P4HB: variants seen among roughly 807,000 people sequenced by gnomAD.
The protein encoded by P4HB is protein disulfide-isomerase.
Under a neutral mutation model 52.6 loss-of-function variants are expected in P4HB, and 20 were observed. That is an observed-to-expected ratio of 0.38 (90% confidence interval 0.27 to 0.55). The LOEUF (loss-of-function observed/expected upper bound fraction) is 0.55. Among genes scored for constraint, P4HB ranks in the 20% least tolerant of loss-of-function variants. P4HB has a pLI of 0.74. For missense variants in P4HB, 601 were observed against 669.2 expected (o/e 0.90, Z 1.12); for synonymous variants, 296 against 277.9 (o/e 1.07, Z -0.65).
chr17:81,851,724 C>A (rs2083530048), intron 4 of P4HB, among the ~76,000 whole-genome samples: 1 of 152,228 alleles, frequency 6.6e-6, no homozygotes, highest in Non-Finnish European at 1.5e-5. Context: ...GCCAAGAAGC[C>A]AGGAGGAGAC....
chr17:81,856,471 AG>A (rs1341650851), intron 2 of P4HB, among the ~76,000 whole-genome samples: 1 of 148,114 alleles, frequency 6.8e-6, no homozygotes, highest in Non-Finnish European at 1.5e-5. Context: ...CCGCGTAGCT[AG>A]GATTATAGGT....
At chr17:81,859,715 T>C (rs1415803534) in intron 1 of P4HB, 1 of 373,148 alleles carries the variant, frequency 2.7e-6, no homozygotes, top group Non-Finnish European at 5.0e-6. Context: ...CCCCTAGACT[T>C]TCCCTTTAAG....
In P4HB at chr17:81,848,108, G is replaced by A. The variant is rs181101614; in HGVS notation, c.625-761C>T. Among the ~76,000 whole-genome samples the A allele has an allele frequency of 1.1e-3, 160 of 152,248 alleles. 1 individual carries two copies. The highest frequency in any genetic ancestry group is 2.0e-3 in the Non-Finnish European group (138 of 68,012). ...AGTAGAGATGGGTTTCACCACGTTA[G>A]CCAGGATGGTCTCAATCTCCTTACC... On this transcript the variant is annotated intron_variant, in intron 4 of 10. Transcript: ENST00000331483.
intron 4 of P4HB, among the ~76,000 whole-genome samples, chr17:81,848,923 G>A (rs1429428186): frequency 6.6e-6 from 1 of 151,140 alleles, no homozygotes; most frequent in Admixed American, 6.6e-5. Context: ...GTGCACACCT[G>A]TAATCCCAGC....
rs965314244 is a variant in P4HB, at chr17:81,859,524, C to T, written c.146-137G>A. 17 of 731,088 alleles carry T rather than the reference C, an allele frequency of 2.3e-5. No individual in the cohort carries two copies. In the African/African-American group the frequency reaches 3.0e-4, roughly 13 times the overall value. The allele number at this position is 731,088 out of a possible 1,614,324, so 45.3% of individuals were successfully genotyped here. A position where few individuals can be genotyped will look rare whatever the true frequency, so the allele number is the denominator to read the frequency against. Reference sequence around the variant, plus strand: ...TACTCACCAAGATAACCCCTCCTAACGCACAAGGCTGAGCTGATAGCCTGG... The same window carrying T: ...TACTCACCAAGATAACCCCTCCTAATGCACAAGGCTGAGCTGATAGCCTGG... On this transcript the variant is annotated intron_variant, in intron 1 of 10. Transcript: ENST00000331483.
Position 81,855,334 on chromosome 17 carries a change from G to C in P4HB, c.487-55C>G, listed in dbSNP as rs749463599. On this transcript the variant is annotated intron_variant, in intron 3 of 10. Coordinates refer to ENST00000331483, the MANE Select transcript of P4HB (RefSeq NM_000918.4). The surrounding 1 kb of genome is among the most constrained non-coding windows in gnomAD (Gnocchi z 4.3). ...CATGATCCCGCAGCACCAAGCAGTA[G>C]GGCAGACCCTGTAGAGCCCAGGCCA... The C allele has an allele frequency of 1.9e-6, 3 of 1,611,414 alleles. No individual in the cohort carries two copies. The highest frequency in any genetic ancestry group is 2.5e-6 in the Non-Finnish European group (3 of 1,178,380).
At chr17:81,849,776 G>A (rs572492255) in intron 4 of P4HB, among the ~76,000 whole-genome samples, 1 of 152,162 alleles carries the variant, frequency 6.6e-6, no homozygotes, top group South Asian at 2.1e-4. Context: ...AATTTTGGGT[G>A]AGCCTTCCAT....
chr17:81,850,971 G>A (rs1006239244), intron 4 of P4HB, among the ~76,000 whole-genome samples: 9 of 149,602 alleles, frequency 6.0e-5, no homozygotes, highest in East Asian at 4.0e-4. Context: ...TTGCTCTGTC[G>A]CCTACGCTGG....
intron 2 of P4HB, among the ~76,000 whole-genome samples, chr17:81,856,780 G>A (rs369365969): frequency 1.3e-5 from 2 of 151,222 alleles, no homozygotes; most frequent in Admixed American, 1.3e-4. Flanking sequence ...CTCCCAAATA[G>A]CTGGTATTAC....
rs1405598041 is a variant in P4HB, at chr17:81,846,148, AGGCTGGGCCAGTG to A, written c.1057-170_1057-158del. 2.0e-5 allele frequency among the ~76,000 whole-genome samples: 3 copies of A among 152,206 alleles called. No homozygotes were observed. The highest frequency in any genetic ancestry group is 4.4e-5 in the Non-Finnish European group (3 of 68,020). Reference sequence around the variant, plus strand: ...ACAGTGCCAAGAATCCAGAAAGAGAAGGCTGGGCCAGTGGGCTGGGCCCAATGAGCCCACGCAG... The same window carrying A: ...ACAGTGCCAAGAATCCAGAAAGAGAAGGCTGGGCCCAATGAGCCCACGCAG... On this transcript the variant is annotated intron_variant, in intron 7 of 10. Coordinates refer to ENST00000331483, the MANE Select transcript of P4HB (RefSeq NM_000918.4). The surrounding 1 kb of genome is among the most constrained non-coding windows in gnomAD (Gnocchi z 5.7).
rs994049769 is a variant in P4HB at position 81,860,494 on chromosome 17, C to A, written c.-23G>T. 3 of 1,251,512 alleles carry A rather than the reference C, an allele frequency of 2.4e-6. No homozygotes were observed. The highest frequency in any genetic ancestry group is 3.2e-5 in the East Asian group (1 of 31,422). 77.5% of individuals were successfully genotyped at this position (1,251,512 alleles called of 1,614,324 possible). A position where few individuals can be genotyped will look rare whatever the true frequency, so the allele number is the denominator to read the frequency against. On this transcript the variant is annotated 5_prime_UTR_variant, in exon 1 of 11. Transcript: ENST00000331483. ...CATGTCGGACACGGATCAGGCGGGG[C>A]GCTTCGGTTGGCGCCGCCGGGACAG...
At chr17:81,853,830 C>T (rs540724997) in intron 4 of P4HB, among the ~76,000 whole-genome samples, 56 of 152,296 alleles carry the variant, frequency 3.7e-4, no homozygotes, top group African/African-American at 1.3e-3. Context: ...TGGCTCTGAG[C>T]GGCACAAACC....
rs980222162 is a variant in P4HB at position 81,846,253 on chromosome 17, C to A, written c.1056+176G>T. On this transcript the variant is annotated intron_variant, in intron 7 of 10. Transcript: ENST00000331483. This position sits in a 1 kb window ranked among gnomAD's most constrained non-coding sequence, Gnocchi z 5.7. ...TGGGCCAGCCGTGTGGACAAGAGGGCTCCTACAGGTCCCCAAAGGTGTGAC... is the reference window on the plus strand; with the variant it reads ...TGGGCCAGCCGTGTGGACAAGAGGGATCCTACAGGTCCCCAAAGGTGTGAC... 1 of 714,310 alleles carries A rather than the reference C, an allele frequency of 1.4e-6. No individual in the cohort carries two copies. Among genetic ancestry groups the A allele is most frequent in the East Asian group, 2.7e-5 (1 of 37,312 alleles). 44.2% of individuals were successfully genotyped at this position (714,310 alleles called of 1,614,324 possible). A position where few individuals can be genotyped will look rare whatever the true frequency, so the allele number is the denominator to read the frequency against.
In P4HB at chr17:81,855,645, C is replaced by T. The variant is rs753859696; in HGVS notation, c.353-59G>A. The T allele has an allele frequency of 3.4e-5, 53 of 1,566,012 alleles. No homozygotes were observed. Among genetic ancestry groups the T allele is most frequent in the East Asian group, 1.6e-4 (7 of 44,436 alleles). ...ACAGGGAGTGCCGCCTGCCCTGCCG[C>T]GCCTGCTCCCGTCTCTGCTCTCTGC... is the stretch of plus-strand genomic sequence containing the variant. On this transcript the variant is annotated intron_variant, in intron 2 of 10. Transcript: ENST00000331483. This position sits in a 1 kb window ranked among gnomAD's most constrained non-coding sequence, Gnocchi z 4.3.
At chr17:81,854,096 T>C (rs1045461891) in intron 4 of P4HB, among the ~76,000 whole-genome samples, 8 of 152,216 alleles carry the variant, frequency 5.3e-5, no homozygotes, top group African/African-American at 1.9e-4. Context: ...GGGGTCATAA[T>C]GCCCTTGGGG....
At chr17:81,845,039 C>T in intron 10 of P4HB, 105 bp downstream of exon 10, 1 of 951,304 alleles carries the variant, frequency 1.1e-6, no homozygotes, top group Non-Finnish European at 1.6e-6. Flanking sequence ...ACAGACGTGC[C>T]TCCAATGGCA....
At chr17:81,859,116 G>T in intron 2 of P4HB, 65 bp downstream of exon 2, 1 of 1,468,016 alleles carries the variant, frequency 6.8e-7, no homozygotes, top group Non-Finnish European at 9.5e-7. Flanking sequence ...AGCTGCCCCT[G>T]CCCTTCCAAG....
chr17:81,843,243 A>AT lies in P4HB; in HGVS notation c.*768dup, dbSNP rs1392101227. ...ATGCCTGAAGAACTGTCAGCGTCTG[A>AT]TTCAGCTCCAGCATCCTTGGCCACC... On this transcript the variant is annotated 3_prime_UTR_variant, in exon 11 of 11. Coordinates refer to ENST00000331483, the MANE Select transcript of P4HB (RefSeq NM_000918.4). 8.0e-6 allele frequency: 3 copies of AT among 376,918 alleles called. No individual in the cohort carries two copies. The highest frequency in any genetic ancestry group is 2.1e-5 in the African/African-American group (1 of 48,348). The allele number at this position is 376,918 out of a possible 1,614,324, so 23.3% of individuals were successfully genotyped here.
chr17:81,853,665 G>A (rs931367401), intron 4 of P4HB, among the ~76,000 whole-genome samples: 3 of 152,060 alleles, frequency 2.0e-5, no homozygotes, highest in African/African-American at 7.2e-5. Context: ...CCGTCTGACC[G>A]TTTGGCTTAT....
Sources: gnomAD v4.1 joint callset for allele counts (sites outside exome capture counted in the v4.1 genomes callset) on GRCh38, gnomAD v4.1.1 for gene constraint, Gnocchi (gnomAD v3.1) non-coding constraint, MANE v1.5 for transcripts, NCBI Gene and HGNC (gene_info 2026-07-23, HGNC 2026-07-21) for gene names.